Variants in ROBO1 observed in about 807,000 individuals in gnomAD.
The protein encoded by ROBO1 is roundabout homolog 1.
A neutral mutation model predicts 195.9 loss-of-function variants in ROBO1; 149 were observed. The ratio of observed to expected loss-of-function variants is 0.76; its 90% CI spans 0.67 to 0.87. The LOEUF (loss-of-function observed/expected upper bound fraction) is 0.87, where lower values mean the gene tolerates loss of function less well. Ranked by LOEUF, ROBO1 falls within the 40% of genes least tolerant of loss-of-function variation. The pLI, the probability that ROBO1 is intolerant of heterozygous loss-of-function variation, is 0.00. For synonymous variants in ROBO1, 816 were observed against 733.2 expected, an observed-to-expected ratio of 1.11 and a Z score of -1.82; for missense variants, 1,933 against 2,068.3, an observed-to-expected ratio of 0.93 and a Z score of 1.27.
intron 8 of ROBO1, among the ~76,000 whole-genome samples, chr3:78,710,057 C>A (rs541627982): frequency 6.6e-6 from 1 of 152,040 alleles, no homozygotes; most frequent in East Asian, 1.9e-4. Flanking sequence ...TATAATAGCC[C>A]GTAAGGATTT....
chr3:78,856,981 A>G (rs577973230), intron 4 of ROBO1, among the ~76,000 whole-genome samples: 2 of 151,978 alleles, frequency 1.3e-5, no homozygotes, highest in Non-Finnish European at 2.9e-5. Flanking sequence ...TTTTTCTAAC[A>G]ATGTTTACAG....
chr3:79,205,740 A>G (rs948458480), intron 2 of ROBO1, among the ~76,000 whole-genome samples: 1 of 152,188 alleles, frequency 6.6e-6, no homozygotes, highest in Non-Finnish European at 1.5e-5. Flanking sequence ...GATCCACTGA[A>G]GTCTACAAAA....
intron 3 of ROBO1, among the ~76,000 whole-genome samples, chr3:78,949,797 A>T (rs1358243957): frequency 1.3e-5 from 2 of 152,106 alleles, no homozygotes; most frequent in Non-Finnish European, 2.9e-5. Flanking sequence ...TCTACAATGA[A>T]CTCCAACAAA....
chr3:79,056,355 T>G (rs540708136), intron 3 of ROBO1, among the ~76,000 whole-genome samples: 2 of 152,174 alleles, frequency 1.3e-5, no homozygotes, highest in South Asian at 4.1e-4. Flanking sequence ...ACATTTTAAT[T>G]GCCGACCCCA....
chr3:79,584,610 AGT>A (rs143360306), intron 2 of ROBO1, among the ~76,000 whole-genome samples: 12,110 of 131,216 alleles, frequency 0.092, 548 homozygotes, highest in East Asian at 0.14. Context: ...TAGGTGGGTG[AGT>A]GTGTGTGTGT....
At chr3:79,203,448 T>C (rs989269491) in intron 2 of ROBO1, among the ~76,000 whole-genome samples, 1 of 152,200 alleles carries the variant, frequency 6.6e-6, no homozygotes, top group African/African-American at 2.4e-5. Context: ...AACAGATAAC[T>C]CAAAATTATA....
intron 2 of ROBO1, among the ~76,000 whole-genome samples, chr3:79,529,875 A>G (rs1941578627): frequency 6.6e-6 from 1 of 152,238 alleles, no homozygotes; most frequent in South Asian, 2.1e-4. Flanking sequence ...TGTAATAAAT[A>G]AATGTATTAA....
chr3:79,086,623 A>C (rs1226259195), intron 3 of ROBO1, among the ~76,000 whole-genome samples: 2 of 152,134 alleles, frequency 1.3e-5, no homozygotes, highest in Middle Eastern at 3.2e-3. Flanking sequence ...GGGTCTCCAC[A>C]AGAGGGCGAT....
chr3:79,471,697 A>C (rs116644426), intron 2 of ROBO1, among the ~76,000 whole-genome samples: 1 of 152,098 alleles, frequency 6.6e-6, no homozygotes, highest in African/African-American at 2.4e-5. Flanking sequence ...AATATCCATC[A>C]ATGATACACT....
At chr3:78,898,216 A>G (rs1449582211) in intron 4 of ROBO1, among the ~76,000 whole-genome samples, 1 of 149,924 alleles carries the variant, frequency 6.7e-6, no homozygotes, top group East Asian at 1.9e-4. Flanking sequence ...TTTATAGTGC[A>G]CTATAATAAA....
At chr3:79,082,269 T>C (rs2079287518) in intron 3 of ROBO1, among the ~76,000 whole-genome samples, 1 of 152,172 alleles carries the variant, frequency 6.6e-6, no homozygotes, top group Non-Finnish European at 1.5e-5. Flanking sequence ...CATGAGTCAA[T>C]CCATCTATAT....
At chr3:79,760,666 C>A (rs867250728) in intron 1 of ROBO1, among the ~76,000 whole-genome samples, 137 of 149,158 alleles carry the variant, frequency 9.2e-4, no homozygotes, top group African/African-American at 3.2e-3. Flanking sequence ...CACTAATAAT[C>A]AGAAAAGACA....
At chr3:78,760,253 T>C (rs1169640442) in intron 4 of ROBO1, among the ~76,000 whole-genome samples, 1 of 152,178 alleles carries the variant, frequency 6.6e-6, no homozygotes, top group East Asian at 1.9e-4. Context: ...TTCTCAGCTA[T>C]GTCTTTGTCA....
intron 2 of ROBO1, among the ~76,000 whole-genome samples, chr3:79,447,351 T>C (rs2039295704): frequency 6.6e-6 from 1 of 152,052 alleles, no homozygotes; most frequent in Non-Finnish European, 1.5e-5. Flanking sequence ...AGTGGTTCTA[T>C]AGGACAAATT....
At chr3:79,208,284 CT>C (rs1468876466) in intron 2 of ROBO1, among the ~76,000 whole-genome samples, 4 of 152,208 alleles carry the variant, frequency 2.6e-5, no homozygotes, top group Non-Finnish European at 5.9e-5. Flanking sequence ...CCTCATTTTA[CT>C]TTCCCCCTTT....
intron 3 of ROBO1, among the ~76,000 whole-genome samples, chr3:78,943,276 T>C (rs2040241170): frequency 6.6e-6 from 1 of 152,128 alleles, no homozygotes; most frequent in Non-Finnish European, 1.5e-5. Flanking sequence ...AGAGAGATGA[T>C]GTACAGGAAG....
chr3:78,632,419 T>C lies in ROBO1; in HGVS notation c.3482-1114A>G, dbSNP rs1011391115. 6.6e-5 allele frequency among the ~76,000 whole-genome samples: 10 copies of C among 152,322 alleles called. No individual in the cohort carries two copies. The South Asian group carries it at 2.1e-3, about 32-fold the overall frequency. ...CGATTATCAGTCCTATGTGTATGTC[T>C]CTCACTTCTCTCGTCCACCACTCCG... On this transcript the variant is annotated intron_variant, in intron 24 of 30. Transcript: ENST00000464233.
At chr3:79,642,942 C>T (rs560991549) in intron 1 of ROBO1, among the ~76,000 whole-genome samples, 60 of 152,110 alleles carry the variant, frequency 3.9e-4, no homozygotes, top group Non-Finnish European at 7.6e-4. Context: ...TGAGTGTCAA[C>T]TTGATTGGGT....
intron 22 of ROBO1, among the ~76,000 whole-genome samples, chr3:78,636,935 T>TA (rs1049019413): frequency 3.1e-5 from 3 of 96,704 alleles, no homozygotes; most frequent in Non-Finnish European, 4.2e-5. Context: ...TACATTCATT[T>TA]TATATATATA....
Sources: gnomAD v4.1 joint callset for allele counts (sites outside exome capture counted in the v4.1 genomes callset) on GRCh38, gnomAD v4.1.1 for gene constraint, MANE v1.5 for transcripts, NCBI Gene and HGNC (gene_info 2026-07-23, HGNC 2026-07-21) for gene names.